The following PACS1 variants were observed in gnomAD, a reference collection of about 807,000 sequenced individuals.
PACS1 encodes PACS-1.
In PACS1, 24 loss-of-function variants were observed where a neutral mutation model predicts 115.0. The observed-to-expected ratio is 0.21, with a 90% CI of 0.15 to 0.29. The LOEUF is 0.29. PACS1 is among the 10% of genes least tolerant of loss of function. The pLI is 1.00. For synonymous variants in PACS1, 453 were observed against 504.5 expected (o/e 0.90, Z 1.37); for missense variants, 838 against 1,251.2 (o/e 0.67, Z 4.98).
intron 1 of PACS1, among the ~76,000 whole-genome samples, chr11:66,178,599 T>C (rs1216883834): frequency 6.6e-6 from 1 of 152,184 alleles, no homozygotes; most frequent in Non-Finnish European, 1.5e-5. Context: ...AATGTTTACT[T>C]AGTAACTCAT....
At chr11:66,096,815 T>G (rs1039531332) in intron 1 of PACS1, among the ~76,000 whole-genome samples, 4 of 151,800 alleles carry the variant, frequency 2.6e-5, no homozygotes, top group African/African-American at 9.7e-5. Flanking sequence ...GTGAACATTC[T>G]TACACAGGTG....
At chr11:66,215,467 G>A (rs1300706) in intron 4 of PACS1, among the ~76,000 whole-genome samples, 9,320 of 152,072 alleles carry the variant, frequency 0.061, 304 homozygotes, top group Non-Finnish European at 0.068. Context: ...GCCAGGCATG[G>A]TGGTGTGTGC....
intron 1 of PACS1, among the ~76,000 whole-genome samples, chr11:66,109,042 T>C (rs1166712093): frequency 6.6e-6 from 1 of 152,240 alleles, no homozygotes; most frequent in Non-Finnish European, 1.5e-5. Flanking sequence ...CCTCTTTGAC[T>C]GGAACAAATA....
At chr11:66,221,518 C>T (rs915318131) in intron 10 of PACS1, 30 of 407,552 alleles carry the variant, frequency 7.4e-5, no homozygotes, top group Non-Finnish European at 1.3e-4. Flanking sequence ...TGATGGTGTG[C>T]ACCTGTAGTC....
At chr11:66,118,986 G>T (rs1286554730) in intron 1 of PACS1, among the ~76,000 whole-genome samples, 1 of 152,122 alleles carries the variant, frequency 6.6e-6, no homozygotes, top group African/African-American at 2.4e-5. Flanking sequence ...CTAAGATAAA[G>T]GTAGGCACAA....
intron 4 of PACS1, among the ~76,000 whole-genome samples, chr11:66,213,695 G>A (rs1256288235): frequency 2.6e-5 from 4 of 152,176 alleles, no homozygotes; most frequent in Non-Finnish European, 5.9e-5. Flanking sequence ...CCTTTTTATA[G>A]CTTTTCTTTC....
chr11:66,103,938 C>A (rs948796207), intron 1 of PACS1, among the ~76,000 whole-genome samples: 2 of 151,930 alleles, frequency 1.3e-5, no homozygotes, highest in African/African-American at 4.8e-5. Flanking sequence ...CCCCTCCCCC[C>A]ACTCCCACCC....
rs1855061820 is a variant in PACS1 at position 66,211,138 on chromosome 11, C to G, written c.539C>G (p.Pro180Arg). The part of the protein sequence containing the change: ...ELQLTFSLQY[P>R]HFLKRDANKL... ...ACTCTGTTTTGTATTTCGTAGTACC[C>G]TCATTTCCTTAAGCGAGATGCCAAC... Residue 180 changes from proline (P) to arginine (R), a missense_variant, in exon 4 of 24, where the codon CCT (proline) becomes CGT (arginine). This residue lies in a region of PACS1 where 223 missense variants were observed against 354.0 expected (regional missense o/e 0.63). Transcript: ENST00000320580. The G allele has an allele frequency of 6.2e-7, 1 of 1,613,592 alleles. No homozygotes were observed. Among genetic ancestry groups the G allele is most frequent in the Non-Finnish European group, 8.5e-7 (1 of 1,179,632 alleles).
chr11:66,216,793 G>A lies in PACS1; in HGVS notation c.978+18G>A, dbSNP rs542179808. 2.5e-6 allele frequency: 4 copies of A among 1,603,550 alleles called. No homozygotes were observed. The highest frequency in any genetic ancestry group is 1.7e-5 in the Admixed American group (1 of 59,854). On this transcript the variant is annotated intron_variant, in intron 7 of 23. Coordinates refer to ENST00000320580, the MANE Select transcript of PACS1 (RefSeq NM_018026.4). ...TCACAAGGGTGAGCCTCAAAGGTCTGGGGAGTGGTTGGCTAAGATTTTCAG... is the reference window on the plus strand; with the variant it reads ...TCACAAGGGTGAGCCTCAAAGGTCTAGGGAGTGGTTGGCTAAGATTTTCAG...
intron 9 of PACS1, among the ~76,000 whole-genome samples, 156 bp from the exon 10 acceptor site, chr11:66,220,998 C>G (rs1156524248): frequency 6.6e-6 from 1 of 152,144 alleles, no homozygotes; most frequent in Non-Finnish European, 1.5e-5. Context: ...CCTCTCCTGA[C>G]CCGCCCCTCC....
chr11:66,223,054 C>CAAAAAAAAAA (rs71461612), intron 10 of PACS1, among the ~76,000 whole-genome samples: 1 of 75,006 alleles, frequency 1.3e-5, no homozygotes, highest in Non-Finnish European at 2.5e-5. Flanking sequence ...CCTCGATTTA[C>CAAAAAAAAAA]AAAAAAAAAA....
At chr11:66,191,384 G>A (rs992569193) in intron 1 of PACS1, among the ~76,000 whole-genome samples, 1 of 152,154 alleles carries the variant, frequency 6.6e-6, no homozygotes, top group African/African-American at 2.4e-5. Context: ...ACTTTGCCAA[G>A]GTACCATATT....
chr11:66,120,919 C>G, intron 1 of PACS1: 1 of 435,960 alleles, frequency 2.3e-6, no homozygotes, highest in South Asian at 1.6e-5. Context: ...CTTGCCCCAG[C>G]CCTGTGCTTC....
intron 1 of PACS1, among the ~76,000 whole-genome samples, chr11:66,120,148 CTT>C (rs367965167): frequency 3.0e-5 from 4 of 135,256 alleles, no homozygotes; most frequent in Non-Finnish European, 4.7e-5. Context: ...TCTGTGAACT[CTT>C]TTTTTTTTTT....
chr11:66,220,970 G>C (rs1320305351), intron 9 of PACS1, among the ~76,000 whole-genome samples, 179 bp downstream of exon 9: 2 of 152,056 alleles, frequency 1.3e-5, no homozygotes, highest in South Asian at 4.2e-4. Flanking sequence ...AGTCCTATAG[G>C]ACTCTCAGGA....
intron 1 of PACS1, among the ~76,000 whole-genome samples, chr11:66,109,273 C>T (rs1319575983): frequency 3.9e-5 from 6 of 151,996 alleles, no homozygotes; most frequent in South Asian, 2.1e-4. Context: ...TTGAGAAGGT[C>T]GCATATGGCC....
intron 1 of PACS1, among the ~76,000 whole-genome samples, chr11:66,108,654 A>G (rs567982021): frequency 2.0e-5 from 3 of 152,268 alleles, no homozygotes; most frequent in African/African-American, 7.2e-5. Flanking sequence ...AGTCCAAGCT[A>G]CTTGGGAGGC....
chr11:66,172,612 C>T (rs1859764705), intron 1 of PACS1, among the ~76,000 whole-genome samples: 2 of 152,168 alleles, frequency 1.3e-5, no homozygotes, highest in Non-Finnish European at 2.9e-5. Context: ...TGGATGGCAA[C>T]CTCACAAGAG....
chr11:66,119,343 G>A (rs1189814307), intron 1 of PACS1, among the ~76,000 whole-genome samples: 2 of 152,158 alleles, frequency 1.3e-5, no homozygotes, highest in Non-Finnish European at 2.9e-5. Context: ...ATGCTCATTC[G>A]TTTGTATATG....
Sources: allele counts gnomAD v4.1 joint callset (sites outside exome capture counted in the v4.1 genomes callset), GRCh38; gene constraint gnomAD v4.1.1; regional missense constraint gnomAD v4.1.1; transcripts MANE v1.5; gene names NCBI Gene and HGNC (gene_info 2026-07-23, HGNC 2026-07-21).